Variants in THAP8 observed in about 807,000 individuals in gnomAD.
The protein encoded by THAP8 is THAP domain-containing protein 8.
Under a neutral mutation model 25.0 loss-of-function variants are expected in THAP8, and 24 were observed. That is an observed-to-expected ratio of 0.96 (90% CI 0.69 to 1.35). THAP8 has a LOEUF of 1.35. Ranked by LOEUF, THAP8 falls within the 40% of genes most tolerant of loss-of-function variation. The probability of loss-of-function intolerance (pLI) is 0.00; values close to 1 mark genes in which losing one functional copy is unlikely to be tolerated. For missense variants in THAP8, 399 were observed against 368.8 expected, an observed-to-expected ratio of 1.08 and a Z score of -0.67; for synonymous variants, 169 against 157.6, an observed-to-expected ratio of 1.07 and a Z score of -0.54.
chr19:36,043,040 C>T (rs1329769650), intron 1 of THAP8, among the ~76,000 whole-genome samples: 1 of 152,060 alleles, frequency 6.6e-6, no homozygotes, highest in Non-Finnish European at 1.5e-5. Context: ...GCGACTCTCC[C>T]GCCTCAGCTT....
chr19:36,054,590 G>A (rs1027534089), upstream of THAP8: 3 of 538,392 alleles, frequency 5.6e-6, no homozygotes, highest in African/African-American at 3.8e-5. Flanking sequence ...CCTACATCCG[G>A]GCAACCGTTG....
At position 36,035,111 on chromosome 19, in the gene THAP8, G is replaced by T; in HGVS notation, c.*329C>A. The T allele has an allele frequency of 4.2e-6, 1 of 238,148 alleles. No homozygotes were observed. Among genetic ancestry groups the T allele is most frequent in the South Asian group, 1.2e-4 (1 of 8,548 alleles). The allele number at this position is 238,148 out of a possible 1,614,324, so 14.8% of individuals were successfully genotyped here. On this transcript the variant is annotated 3_prime_UTR_variant, in exon 4 of 4. Transcript: ENST00000292894. ...GTATCATGAACTCAGTACCAGGCTT[G>T]GCAAAAAGCGTGGGACTCCTTAGAA... is the stretch of plus-strand genomic sequence containing the variant.
intron 3 of THAP8, among the ~76,000 whole-genome samples, chr19:36,037,098 C>T (rs75935735): frequency 0.012 from 1,798 of 152,120 alleles, 11 homozygotes; most frequent in Non-Finnish European, 0.02. Flanking sequence ...AAGCTGGGCA[C>T]CTCAAGCTTG....
At position 36,035,365 on chromosome 19, in the gene THAP8, G is replaced by C. The variant is rs1969393569; in HGVS notation, c.*75C>G. On this transcript the variant is annotated 3_prime_UTR_variant, in exon 4 of 4. Coordinates refer to ENST00000292894, the MANE Select transcript of THAP8 (RefSeq NM_152658.3). The stretch of plus-strand genomic sequence containing the variant: ...CTACCCAGGCGTGGGCGGTGGGGCT[G>C]GGCCAAGCCCACGTATAATGTCTTT... 6.5e-7 allele frequency: 1 copy of C among 1,544,732 alleles called. No individual in the cohort carries two copies. Among genetic ancestry groups the C allele is most frequent in the South Asian group, 1.2e-5 (1 of 81,690 alleles).
At chr19:36,054,475 C>T, upstream of THAP8, 2 of 586,502 alleles carry the variant, frequency 3.4e-6, no homozygotes, top group Non-Finnish European at 6.1e-6. Context: ...CCTTCGTCAC[C>T]CCGACTTTCA....
At chr19:36,046,665 G>T (rs1403580674) in intron 1 of THAP8, among the ~76,000 whole-genome samples, 1 of 152,060 alleles carries the variant, frequency 6.6e-6, no homozygotes, top group African/African-American at 2.4e-5. Context: ...CATTCTTCCG[G>T]GACACAAACA....
chr19:36,054,746 C>A, upstream of THAP8: 3 of 612,418 alleles, frequency 4.9e-6, no homozygotes, highest in East Asian at 2.7e-5. Context: ...AATCAGGCAT[C>A]CAGTACACTG....
At position 36,039,324 on chromosome 19, in the gene THAP8, A is replaced by G; in HGVS notation, c.671T>C (p.Leu224Pro). ...LARARRGLQRLTTAQTLGPEE... is the reference protein window; with the variant it reads ...LARARRGLQRPTTAQTLGPEE... ...CTGCCAGGCTGGGGTGCCACTCACC[A>G]GGCGCTGCAGACCCCGGCGTGCCCG... Residue 224 changes from leucine to proline, a missense_variant and splice_region_variant, in exon 3 of 4, where the codon CTG (leucine) becomes CCG (proline). Physicochemically the swap from Leu to Pro is moderately conservative, Grantham distance 98. Coordinates refer to ENST00000292894, the MANE Select transcript of THAP8 (RefSeq NM_152658.3). 6.8e-7 allele frequency: 1 copy of G among 1,479,516 alleles called. No homozygotes were observed. Among genetic ancestry groups the G allele is most frequent in the Non-Finnish European group, 8.9e-7 (1 of 1,120,146 alleles). 91.6% of individuals were successfully genotyped at this position (1,479,516 alleles called of 1,614,324 possible).
At position 36,047,673 on chromosome 19, in the gene THAP8, T is replaced by C. The variant is rs57898357; in HGVS notation, c.83+6462A>G. On this transcript the variant is annotated intron_variant, in intron 1 of 3. Coordinates refer to ENST00000292894, the MANE Select transcript of THAP8 (RefSeq NM_152658.3). Reference sequence around the variant, plus strand: ...CCTGTCTCTACTAAAAATACAAAAATTAGCTGGGTATGGTGACATGCGCCT... The same window carrying C: ...CCTGTCTCTACTAAAAATACAAAAACTAGCTGGGTATGGTGACATGCGCCT... Among the ~76,000 whole-genome samples, 1,156 of 152,142 alleles carry C rather than the reference T, an allele frequency of 7.6e-3. 20 individuals carry two copies. Among genetic ancestry groups the C allele is most frequent in the African/African-American group, 0.027 (1,106 of 41,482 alleles).
intron 1 of THAP8, among the ~76,000 whole-genome samples, chr19:36,049,718 GTAAA>G (rs1375286243): frequency 6.6e-6 from 1 of 152,178 alleles, no homozygotes; most frequent in African/African-American, 2.4e-5. Context: ...CTGGCATAAG[GTAAA>G]TACTAAGTAA....
In THAP8 at chr19:36,054,136, T is replaced by C. The variant is rs765269082; in HGVS notation, c.82A>G (p.Lys28Glu). 7 of 1,612,940 alleles carry C rather than the reference T, an allele frequency of 4.3e-6. No individual in the cohort carries two copies. Among genetic ancestry groups the C allele is most frequent in the South Asian group, 3.3e-5 (3 of 90,900 alleles). ...GADNRPVSFY[K>E]FPLKDGPRLQ... ...AGCCCCGCCCCGCGCTGCGCTCACTTGTAGAAGCTCACAGGGCGGTTGTCT... is the reference window on the plus strand; with the variant it reads ...AGCCCCGCCCCGCGCTGCGCTCACTCGTAGAAGCTCACAGGGCGGTTGTCT... The change falls in exon 1 of 4, where the codon AAG becomes GAG. Residue 28 changes from lysine to glutamate, a missense_variant and splice_region_variant. By Grantham distance (56) the Lys-to-Glu change is moderately conservative (BLOSUM62 1). Coordinates refer to ENST00000292894, the MANE Select transcript of THAP8 (RefSeq NM_152658.3).
At chr19:36,042,105 G>C (rs190503538) in intron 1 of THAP8, among the ~76,000 whole-genome samples, 27 of 151,790 alleles carry the variant, frequency 1.8e-4, no homozygotes, top group African/African-American at 6.3e-4. Context: ...GGAGTAAGAG[G>C]GGGAGGAAGA....
chr19:36,048,904 G>A (rs1205295412), intron 1 of THAP8, among the ~76,000 whole-genome samples: 2 of 144,316 alleles, frequency 1.4e-5, no homozygotes, highest in Admixed American at 1.4e-4. Context: ...TGAGATTTGA[G>A]AAGTTTGTTT....
At position 36,054,020 on chromosome 19, in the gene THAP8, C is replaced by A; in HGVS notation, c.83+115G>T. 4 of 1,195,586 alleles carry A rather than the reference C, an allele frequency of 3.3e-6. No homozygotes were observed. The South Asian group carries it at 5.3e-5, about 16-fold the overall frequency. 74.1% of individuals were successfully genotyped at this position (1,195,586 alleles called of 1,614,324 possible). A position where few individuals can be genotyped will look rare whatever the true frequency, so the allele number is the denominator to read the frequency against. On this transcript the variant is annotated intron_variant, in intron 1 of 3. Transcript: ENST00000292894. ...AAGGCCATCTCCTCATGGTTTAACC[C>A]CACTTCCTAACACCCTCAAGCAAGA...
At chr19:36,046,965 C>G (rs1218270973) in intron 1 of THAP8, among the ~76,000 whole-genome samples, 1 of 152,106 alleles carries the variant, frequency 6.6e-6, no homozygotes, top group African/African-American at 2.4e-5. Context: ...GCTCAAAGAG[C>G]AAAGGAAAAA....
intron 1 of THAP8, among the ~76,000 whole-genome samples, chr19:36,046,962 G>C (rs890215051): frequency 6.6e-6 from 1 of 152,190 alleles, no homozygotes; most frequent in African/African-American, 2.4e-5. Context: ...GCAGCTCAAA[G>C]AGCAAAGGAA....
chr19:36,038,404 T>A (rs7257026), intron 3 of THAP8, among the ~76,000 whole-genome samples: 1 of 151,750 alleles, frequency 6.6e-6, no homozygotes, highest in Admixed American at 6.6e-5. Context: ...TGGGACCACA[T>A]GTGCCCACCA....
chr19:36,053,844 G>A (rs112862602), intron 1 of THAP8, among the ~76,000 whole-genome samples: 4,853 of 152,224 alleles, frequency 0.032, 161 homozygotes, highest in African/African-American at 0.092. Context: ...GGGAGGGCAA[G>A]TGGGCATCTG....
intron 1 of THAP8, among the ~76,000 whole-genome samples, chr19:36,050,260 T>C (rs888165588): frequency 6.6e-6 from 1 of 152,112 alleles, no homozygotes; most frequent in African/African-American, 2.4e-5. Flanking sequence ...TTCTCTCACC[T>C]CACTGTCTCA....
Sources: gnomAD v4.1 joint callset for allele counts (sites outside exome capture counted in the v4.1 genomes callset) on GRCh38, gnomAD v4.1.1 for gene constraint, MANE v1.5 for transcripts, NCBI Gene and HGNC (gene_info 2026-07-23, HGNC 2026-07-21) for gene names.